Variants in SLC20A2 observed in about 807,000 individuals in gnomAD.
SLC20A2 encodes sodium-dependent phosphate transporter 2.
SLC20A2 carries 30 observed loss-of-function variants against 61.0 expected under a neutral mutation model. That is an observed-to-expected ratio of 0.49 (90% CI 0.37 to 0.67). The LOEUF (loss-of-function observed/expected upper bound fraction) is 0.67. SLC20A2 is among the 30% of genes least tolerant of loss of function. SLC20A2 has a pLI of 0.00. For missense variants in SLC20A2, 626 were observed against 866.4 expected (o/e 0.72, Z 3.48); for synonymous variants, 351 against 353.3 (o/e 0.99, Z 0.07).
chr8:42,428,691 T>C, intron 10 of SLC20A2, 67 bp downstream of exon 10: 3 of 1,408,896 alleles, frequency 2.1e-6, no homozygotes, highest in East Asian at 2.5e-5. Context: ...TTCCCTTGCA[T>C]GCGCTCCGGT....
chr8:42,451,582 A>G (rs1235619048), intron 5 of SLC20A2, among the ~76,000 whole-genome samples: 30 of 112,946 alleles, frequency 2.7e-4, no homozygotes, highest in Admixed American at 5.3e-4. Context: ...ATGAAGAGGA[A>G]GAGGAAGAGA....
chr8:42,441,248 G>A (rs370577010), intron 6 of SLC20A2, among the ~76,000 whole-genome samples: 6 of 150,310 alleles, frequency 4.0e-5, no homozygotes, highest in Admixed American at 6.7e-5. Flanking sequence ...TCCGCCTCCC[G>A]GGTTCAAGTG....
intron 1 of SLC20A2, among the ~76,000 whole-genome samples, chr8:42,511,324 T>A (rs1399077038): frequency 6.6e-6 from 1 of 152,170 alleles, no homozygotes; most frequent in African/African-American, 2.4e-5. Context: ...TCCAAACAGA[T>A]AAACTAAGAA....
chr8:42,447,413 C>A (rs940405985), intron 5 of SLC20A2, among the ~76,000 whole-genome samples: 5 of 151,632 alleles, frequency 3.3e-5, no homozygotes, highest in African/African-American at 1.2e-4. Flanking sequence ...TGCGGTGGCT[C>A]ATGCCTGTAA....
intron 5 of SLC20A2, among the ~76,000 whole-genome samples, chr8:42,454,460 G>T (rs1805979943): frequency 6.6e-6 from 1 of 152,062 alleles, no homozygotes; most frequent in African/African-American, 2.4e-5. Context: ...TGCTACTCCT[G>T]GCCTTACTTT....
chr8:42,508,378 G>C (rs111856060), intron 1 of SLC20A2, among the ~76,000 whole-genome samples: 1 of 150,842 alleles, frequency 6.6e-6, no homozygotes, highest in Non-Finnish European at 1.5e-5. Context: ...GTTTTGAGAC[G>C]GAGTCTCGGA....
chr8:42,437,531 G>T lies in SLC20A2; in HGVS notation c.981C>A (p.Ser327=). The part of the protein sequence containing the change: ...MTHGSVKSPI[S]NGTFGFDGHT... ...GGCCGTCGAAGCCGAAGGTGCCGTT[G>T]GAGATGGGCGATTTCACAGAGCCAT... Residue 327 remains serine, a synonymous_variant, in exon 8 of 11, where the codon TCC becomes TCA. Coordinates refer to ENST00000520262, the MANE Select transcript of SLC20A2 (RefSeq NM_001257180.2). The surrounding 1 kb of genome is among the most constrained non-coding windows in gnomAD (Gnocchi z 6.4). 6.2e-7 allele frequency: 1 copy of T among 1,614,030 alleles called. No individual in the cohort carries two copies. Among genetic ancestry groups the T allele is most frequent in the African/African-American group, 1.3e-5 (1 of 75,036 alleles).
At chr8:42,443,324 T>C (rs1804951238) in intron 6 of SLC20A2, among the ~76,000 whole-genome samples, 1 of 140,618 alleles carries the variant, frequency 7.1e-6, no homozygotes, top group South Asian at 2.3e-4. Context: ...AATGTATACT[T>C]TTTTTTTTGA....
At chr8:42,505,714 G>A (rs1313303448), upstream of SLC20A2, among the ~76,000 whole-genome samples, 7 of 151,706 alleles carry the variant, frequency 4.6e-5, no homozygotes, top group East Asian at 3.9e-4. Context: ...CCTGGCTAAT[G>A]TAGCGAAACC....
At chr8:42,527,278 C>A (rs1812028586) in intron 1 of SLC20A2, among the ~76,000 whole-genome samples, 1 of 151,590 alleles carries the variant, frequency 6.6e-6, no homozygotes, top group Admixed American at 6.6e-5. Flanking sequence ...GTGGGGTATG[C>A]CTGTAATCTC....
intron 5 of SLC20A2, among the ~76,000 whole-genome samples, chr8:42,457,044 C>T (rs1470446764): frequency 6.6e-6 from 1 of 151,974 alleles, no homozygotes; most frequent in East Asian, 2.0e-4. Context: ...CTGCCTCAGC[C>T]TCCCGGGTAG....
intron 1 of SLC20A2, chr8:42,535,369 TAAAA>T (rs75713256): frequency 6.8e-6 from 1 of 146,646 alleles, no homozygotes; most frequent in Non-Finnish European, 1.5e-5. Flanking sequence ...TCAACTAGAT[TAAAA>T]AAAAAAACTA....
chr8:42,459,473 G>A (rs1806533464), intron 5 of SLC20A2, among the ~76,000 whole-genome samples: 1 of 152,062 alleles, frequency 6.6e-6, no homozygotes, highest in African/African-American at 2.4e-5. Flanking sequence ...CCGCTCACTG[G>A]GTGCCAGGCA....
At chr8:42,495,894 C>T (rs1245441025) in intron 1 of SLC20A2, among the ~76,000 whole-genome samples, 3 of 152,066 alleles carry the variant, frequency 2.0e-5, no homozygotes, top group Non-Finnish European at 2.9e-5. Flanking sequence ...GGATTACAGG[C>T]GTGCGCCACC....
intron 4 of SLC20A2, among the ~76,000 whole-genome samples, chr8:42,462,430 C>T (rs1378394559): frequency 6.6e-6 from 1 of 152,190 alleles, no homozygotes; most frequent in Non-Finnish European, 1.5e-5. Flanking sequence ...ACTGCAGCAA[C>T]CCTGTGACTG....
At chr8:42,468,853 C>CA (rs1807396393) in intron 2 of SLC20A2, among the ~76,000 whole-genome samples, 1 of 151,848 alleles carries the variant, frequency 6.6e-6, no homozygotes, top group African/African-American at 2.4e-5. Context: ...GGTCTTTCCA[C>CA]AAAAAAAGAT....
chr8:42,477,091 C>T (rs1159547416), intron 1 of SLC20A2, among the ~76,000 whole-genome samples: 1 of 152,186 alleles, frequency 6.6e-6, no homozygotes, highest in African/African-American at 2.4e-5. Flanking sequence ...GGCCCCGTCG[C>T]AGTTCTGTTC....
chr8:42,496,780 T>C (rs1809959494), intron 1 of SLC20A2, among the ~76,000 whole-genome samples: 1 of 152,200 alleles, frequency 6.6e-6, no homozygotes, highest in African/African-American at 2.4e-5. Flanking sequence ...TAGGGTGTAG[T>C]GGGTAGGGTC....
At chr8:42,429,036 A>G (rs946513973) in intron 9 of SLC20A2, among the ~76,000 whole-genome samples, 194 bp from the exon 10 acceptor site, 2 of 152,204 alleles carry the variant, frequency 1.3e-5, no homozygotes, top group Non-Finnish European at 2.9e-5. Flanking sequence ...TTTCCTGTGC[A>G]TGGGCCCTCA....
Sources: allele counts gnomAD v4.1 joint callset (sites outside exome capture counted in the v4.1 genomes callset), GRCh38; gene constraint gnomAD v4.1.1; non-coding constraint Gnocchi (gnomAD v3.1); transcripts MANE v1.5; gene names NCBI Gene and HGNC (gene_info 2026-07-23, HGNC 2026-07-21).